Variants in PRPF31 observed in about 807,000 individuals in gnomAD.
The protein encoded by PRPF31 is U4/U6 small nuclear ribonucleoprotein Prp31.
Under a neutral mutation model 60.4 loss-of-function variants are expected in PRPF31, and 12 were observed. That is an observed-to-expected ratio of 0.20 (90% CI 0.13 to 0.32). The LOEUF (loss-of-function observed/expected upper bound fraction) is 0.32, where lower values mean the gene tolerates loss of function less well. PRPF31 is among the 10% of genes least tolerant of loss of function. The pLI, the probability that PRPF31 is intolerant of heterozygous loss-of-function variation, is 1.00. For missense variants in PRPF31, 431 were observed against 687.1 expected, an observed-to-expected ratio of 0.63 and a Z score of 4.17; for synonymous variants, 287 against 287.9, an observed-to-expected ratio of 1.00 and a Z score of 0.03.
In PRPF31 at chr19:54,128,285, G is replaced by GGGCCCCCCCCCCCC; in HGVS notation, c.1074-20_1074-19insGGCCCCCCCCCCCC. 6.5e-7 allele frequency: 1 copy of GGGCCCCCCCCCCCC among 1,540,470 alleles called. No individual in the cohort carries two copies. Among genetic ancestry groups the GGGCCCCCCCCCCCC allele is most frequent in the Non-Finnish European group, 8.8e-7 (1 of 1,139,254 alleles). ...TCCTCCCAGCCGACTCCCTGGCGCCGCCCACCCACCCGTCCCCAGGTACCG... is the reference window on the plus strand; with the variant it reads ...TCCTCCCAGCCGACTCCCTGGCGCCGGGCCCCCCCCCCCCCCCACCCACCCGTCCCCAGGTACCG... On this transcript the variant is annotated intron_variant, in intron 10 of 13. Transcript: ENST00000321030.
intron 3 of PRPF31, 41 bp downstream of exon 3, chr19:54,118,674 C>T (rs769434542): frequency 9.4e-6 from 15 of 1,603,098 alleles, no homozygotes; most frequent in Middle Eastern, 1.7e-4. Flanking sequence ...TCTCCTGTCT[C>T]TCCTGCCAGG....
At position 54,123,449 on chromosome 19, in the gene PRPF31, C is replaced by T. The variant is rs1174468832; in HGVS notation, c.421-5C>T. On this transcript the variant is annotated splice_polypyrimidine_tract_variant and splice_region_variant and intron_variant, in intron 5 of 13. Coordinates refer to ENST00000321030, the MANE Select transcript of PRPF31 (RefSeq NM_015629.4). ...GCCTCCCCTATCTTCTCTGCTCGCC[C>T]CCAGGAGCTGGGCAACAGCCTGGAC... 6.2e-7 allele frequency: 1 copy of T among 1,613,272 alleles called. No individual in the cohort carries two copies. The highest frequency in any genetic ancestry group is 8.5e-7 in the Non-Finnish European group (1 of 1,179,224).
intron 3 of PRPF31, among the ~76,000 whole-genome samples, chr19:54,119,047 A>G (rs967187115): frequency 2.0e-5 from 3 of 152,000 alleles, no homozygotes; most frequent in African/African-American, 7.3e-5. Context: ...ATCATTTGGC[A>G]AAGACAAAGT....
At position 54,124,729 on chromosome 19, in the gene PRPF31, GC is replaced by G. The variant is rs587737460; in HGVS notation, c.855+75del. 1.2e-4 allele frequency: 180 copies of G among 1,533,292 alleles called. 1 individual carries two copies. In the African/African-American group the frequency reaches 2.3e-3, roughly 19 times the overall value. The allele number at this position is 1,533,292 out of a possible 1,614,324, so 95.0% of individuals were successfully genotyped here. A position where few individuals can be genotyped will look rare whatever the true frequency, so the allele number is the denominator to read the frequency against. ...CCGCTGTGCCCAGACAGCCTGAGCA[GC>G]CACCCACCATCTGGCCCAGCTGACG... On this transcript the variant is annotated intron_variant, in intron 8 of 13. Transcript: ENST00000321030.
intron 8 of PRPF31, chr19:54,124,895 A>T (rs1471555178): frequency 3.3e-6 from 2 of 599,016 alleles, no homozygotes; most frequent in Non-Finnish European, 6.0e-6. Context: ...CTCCCCTATC[A>T]AATGGGAGCA....
At chr19:54,123,342 C>G (rs996168604) in intron 5 of PRPF31, 112 bp from the exon 6 acceptor site, 99 of 842,926 alleles carry the variant, frequency 1.2e-4, no homozygotes, top group Non-Finnish European at 1.8e-4. Flanking sequence ...AGTGCAGAGA[C>G]CCTGACTGTC....
At chr19:54,123,059 TGCGTG>T in intron 5 of PRPF31, 1 of 452,112 alleles carries the variant, frequency 2.2e-6, no homozygotes, top group Non-Finnish European at 4.1e-6. Context: ...GGGGCAGGTG[TGCGTG>T]AGGGCGGGGA....
chr19:54,123,828 C>T lies in PRPF31; in HGVS notation c.607C>T (p.Arg203Cys), dbSNP rs373212857. ...GCTGGAGCTGAACGCCTCCAAGCAC[C>T]GCATCTACGAGTATGTGGAGTCCCG... ...MALELNASKH[R>C]IYEYVESRMS... The change falls in exon 7 of 14, where the codon CGC becomes TGC. Residue 203 changes from arginine to cysteine, a missense_variant. Around this residue, in one of 4 missense-constraint regions of PRPF31, gnomAD observed 314 missense variants for 475.3 expected, o/e 0.66. Transcript: ENST00000321030. 1.4e-5 allele frequency: 22 copies of T among 1,613,664 alleles called. No homozygotes were observed. Among genetic ancestry groups the T allele is most frequent in the African/African-American group, 2.7e-5 (2 of 74,914 alleles).
intron 5 of PRPF31, chr19:54,122,894 C>T (rs1294773545): frequency 3.8e-5 from 21 of 546,600 alleles, no homozygotes; most frequent in African/African-American, 1.7e-4. Context: ...GGCAGGCACA[C>T]GGAGATTTGG....
chr19:54,127,465 C>T (rs587711692), intron 9 of PRPF31, among the ~76,000 whole-genome samples: 1 of 152,130 alleles, frequency 6.6e-6, no homozygotes, highest in Non-Finnish European at 1.5e-5. Flanking sequence ...GATAGTCTTC[C>T]CAGCTCACAA....
chr19:54,124,467 C>T (rs759042502), intron 7 of PRPF31, 32 bp from the exon 8 acceptor site: 20 of 1,567,782 alleles, frequency 1.3e-5, no homozygotes, highest in African/African-American at 5.4e-5. Flanking sequence ...TTCTTCTGAC[C>T]GCCCCCCCTT....
At chr19:54,122,450 GTCTACC>G in intron 4 of PRPF31, 41 bp from the exon 5 acceptor site, 1 of 1,428,820 alleles carries the variant, frequency 7.0e-7, no homozygotes, top group Non-Finnish European at 9.9e-7. Flanking sequence ...AACCAGCAGA[GTCTACC>G]TTCCATCTCA....
chr19:54,127,039 G>C lies in PRPF31; in HGVS notation c.945+422G>C, dbSNP rs587745224. ...GGAGGCTGAGGCAGGAGAATTGCTT[G>C]AACCTGGGAGACGGAGGTTGCAGTG... On this transcript the variant is annotated intron_variant, in intron 9 of 13. Transcript: ENST00000321030. 5.3e-5 allele frequency among the ~76,000 whole-genome samples: 8 copies of C among 152,318 alleles called. No individual in the cohort carries two copies. The East Asian group carries it at 1.5e-3, about 29-fold the overall frequency.
intron 9 of PRPF31, 91 bp from the exon 10 acceptor site, chr19:54,127,982 G>C: frequency 6.6e-7 from 1 of 1,524,314 alleles, no homozygotes; most frequent in Non-Finnish European, 8.9e-7. Flanking sequence ...ATTTAACTAA[G>C]GCACGTGGAT....
chr19:54,119,533 G>A (rs1168857796), intron 3 of PRPF31: 1 of 148,490 alleles, frequency 6.7e-6, no homozygotes, highest in Non-Finnish European at 1.5e-5. Context: ...GTCTCCCTCT[G>A]TCGCCCAGGC....
chr19:54,128,828 A>G (rs1028600445), intron 11 of PRPF31, among the ~76,000 whole-genome samples: 1 of 151,756 alleles, frequency 6.6e-6, no homozygotes, highest in African/African-American at 2.4e-5. Context: ...TGGCCTCCCA[A>G]CTCTGAGCTC....
chr19:54,123,200 T>C (rs1325127259), intron 5 of PRPF31: 1 of 591,654 alleles, frequency 1.7e-6, no homozygotes, highest in Non-Finnish European at 3.0e-6. Context: ...GAGGCCACAG[T>C]CTTTCCAGAC....
chr19:54,123,168 T>C, intron 5 of PRPF31: 3 of 567,048 alleles, frequency 5.3e-6, no homozygotes, highest in Non-Finnish European at 9.5e-6. Flanking sequence ...GCACTCCGAC[T>C]TGACGCAGGC....
intron 3 of PRPF31, among the ~76,000 whole-genome samples, chr19:54,121,071 C>T (rs2073774201): frequency 1.3e-5 from 2 of 152,142 alleles, no homozygotes; most frequent in Non-Finnish European, 2.9e-5. Flanking sequence ...GCAGATGGAT[C>T]ACCTGAGGTC....
Sources: gnomAD v4.1 joint callset for allele counts (sites outside exome capture counted in the v4.1 genomes callset) on GRCh38, gnomAD v4.1.1 for gene constraint, gnomAD v4.1.1 regional missense constraint, MANE v1.5 for transcripts, NCBI Gene and HGNC (gene_info 2026-07-23, HGNC 2026-07-21) for gene names.